The following COG6 variants were observed in gnomAD, a reference collection of about 807,000 sequenced individuals.
COG6 encodes component of oligomeric golgi complex 6, also known as conserved oligomeric Golgi complex subunit 6.
In COG6, 74 loss-of-function variants were observed where a neutral mutation model predicts 88.8. That is an observed-to-expected ratio of 0.83 (90% CI 0.69 to 1.01). The LOEUF is 1.01. Ranked by LOEUF, COG6 falls within the 50% of genes least tolerant of loss-of-function variation. The pLI, the probability that COG6 is intolerant of heterozygous loss-of-function variation, is 0.00. For missense variants in COG6, 800 were observed against 797.9 expected (o/e 1.00, Z -0.03); for synonymous variants, 286 against 278.7 (o/e 1.03, Z -0.26).
Position 39,662,174 on chromosome 13 carries a change from G to T in COG6, c.369+1293G>T, listed in dbSNP as rs1593405353. On this transcript the variant is annotated intron_variant, in intron 3 of 18. Coordinates refer to ENST00000455146, the MANE Select transcript of COG6 (RefSeq NM_020751.3). ...TTTTTTTTTTTTGAGACAGAGTCTC[G>T]CTGTATCCTTAGTGGCGTGATCTCG... Among the ~76,000 whole-genome samples the T allele has an allele frequency of 2.4e-5, 3 of 122,658 alleles. No individual in the cohort carries two copies. In the South Asian group the frequency reaches 7.4e-4, roughly 30 times the overall value. The allele number at this position is 122,658 out of a possible 152,430, so 80.5% of individuals were successfully genotyped here. A position where few individuals can be genotyped will look rare whatever the true frequency, so the allele number is the denominator to read the frequency against.
At position 39,685,363 on chromosome 13, in the gene COG6, A is replaced by G. The variant is rs570774609; in HGVS notation, c.789-2140A>G. On this transcript the variant is annotated intron_variant, in intron 8 of 18. Transcript: ENST00000455146. ...AAGATATTGAAGGTTCACGTGGCTT[A>G]TGCTGTTTTTGCTTTAAATTATATT... Among the ~76,000 whole-genome samples the G allele has an allele frequency of 5.9e-5, 9 of 152,250 alleles. No individual in the cohort carries two copies. The South Asian group carries it at 1.9e-3, about 32-fold the overall frequency.
chr13:39,666,203 C>T (rs1219180224), intron 4 of COG6, among the ~76,000 whole-genome samples: 1 of 152,100 alleles, frequency 6.6e-6, no homozygotes, highest in African/African-American at 2.4e-5. Flanking sequence ...TCGATCATAG[C>T]TAGCCTTAAA....
At chr13:39,786,617 A>C (rs4303351) in intron 18 of COG6, among the ~76,000 whole-genome samples, 116,966 of 152,106 alleles carry the variant, frequency 0.77, 45,024 homozygotes, top group South Asian at 0.86. Context: ...AACTTTACAA[A>C]GGTGGCATTT....
chr13:39,712,377 A>G (rs1429363684), intron 13 of COG6, among the ~76,000 whole-genome samples: 1 of 151,382 alleles, frequency 6.6e-6, no homozygotes, highest in Non-Finnish European at 1.5e-5. Flanking sequence ...TCTGTTGTCC[A>G]GAGGCTTATT....
chr13:39,701,394 A>G (rs1877569212), intron 13 of COG6, among the ~76,000 whole-genome samples: 2 of 151,920 alleles, frequency 1.3e-5, no homozygotes, highest in Admixed American at 6.6e-5. Flanking sequence ...AGAGAGTTTT[A>G]CATATAAGAG....
chr13:39,704,386 A>G (rs933599234), intron 13 of COG6, among the ~76,000 whole-genome samples: 4 of 152,156 alleles, frequency 2.6e-5, no homozygotes, highest in Non-Finnish European at 4.4e-5. Context: ...TTTTTGTTGT[A>G]TGTATTATAC....
chr13:39,745,088 T>A (rs3000483), intron 18 of COG6, among the ~76,000 whole-genome samples: 102,445 of 152,058 alleles, frequency 0.67, 34,624 homozygotes, highest in Admixed American at 0.77. Context: ...ACAAAAATTA[T>A]TTCAAGATGG....
chr13:39,728,723 G>A (rs761698691), intron 18 of COG6, among the ~76,000 whole-genome samples: 9 of 151,564 alleles, frequency 5.9e-5, no homozygotes, highest in African/African-American at 1.7e-4. Flanking sequence ...AGGCTAGAGT[G>A]CAGTGATCTT....
At chr13:39,689,960 TAAG>T (rs1412624838) in intron 11 of COG6, 136 bp downstream of exon 11, 16 of 520,818 alleles carry the variant, frequency 3.1e-5, no homozygotes, top group Non-Finnish European at 5.6e-5. Flanking sequence ...TGTAGACTAA[TAAG>T]AAACATTTTA....
chr13:39,693,037 C>T (rs983749449), intron 11 of COG6, among the ~76,000 whole-genome samples: 1 of 151,862 alleles, frequency 6.6e-6, no homozygotes, highest in Admixed American at 6.6e-5. Context: ...GTTGTTTCTC[C>T]TGTGACTGTT....
chr13:39,732,462 C>T (rs752096337), intron 18 of COG6, among the ~76,000 whole-genome samples: 3 of 152,076 alleles, frequency 2.0e-5, no homozygotes, highest in Non-Finnish European at 4.4e-5. Context: ...AACATACTTA[C>T]AAATGCTAAA....
At chr13:39,679,103 C>T (rs186505129) in intron 5 of COG6, among the ~76,000 whole-genome samples, 6 of 152,076 alleles carry the variant, frequency 3.9e-5, no homozygotes, top group Admixed American at 2.0e-4. Flanking sequence ...TACTCTTGGA[C>T]GAGGGAGCAA....
At chr13:39,656,306 G>C (rs1271239168) in intron 1 of COG6, 2 of 422,134 alleles carry the variant, frequency 4.7e-6, no homozygotes, top group South Asian at 3.4e-5. Context: ...GAGACCAAGA[G>C]AGCAGTGGTA....
At chr13:39,779,556 C>T (rs969967389) in intron 18 of COG6, among the ~76,000 whole-genome samples, 8 of 152,178 alleles carry the variant, frequency 5.3e-5, no homozygotes, top group Non-Finnish European at 2.9e-5. Flanking sequence ...TATGTGACTT[C>T]TCAGGTTCAA....
chr13:39,723,496 C>A, intron 16 of COG6, 56 bp downstream of exon 16: 1 of 985,256 alleles, frequency 1.0e-6, no homozygotes, highest in Non-Finnish European at 1.6e-6. Flanking sequence ...TAGAGTATGT[C>A]TTCTAGAGCT....
At chr13:39,690,231 G>A (rs1472126101) in intron 11 of COG6, among the ~76,000 whole-genome samples, 1 of 151,948 alleles carries the variant, frequency 6.6e-6, no homozygotes, top group Non-Finnish European at 1.5e-5. Context: ...TTAATCCAAG[G>A]ATAAAATAAT....
At chr13:39,735,525 A>G (rs1879692224) in intron 18 of COG6, among the ~76,000 whole-genome samples, 1 of 152,144 alleles carries the variant, frequency 6.6e-6, no homozygotes, top group Non-Finnish European at 1.5e-5. Context: ...TACTCAAGAT[A>G]TGAGTAGTTT....
intron 18 of COG6, among the ~76,000 whole-genome samples, chr13:39,772,244 C>T (rs1881338415): frequency 6.6e-6 from 1 of 152,184 alleles, no homozygotes; most frequent in Admixed American, 6.5e-5. Flanking sequence ...TCAAACTTTT[C>T]CTGATTTCCT....
chr13:39,778,682 T>G (rs1881541809), intron 18 of COG6, among the ~76,000 whole-genome samples: 1 of 152,218 alleles, frequency 6.6e-6, no homozygotes, highest in Non-Finnish European at 1.5e-5. Context: ...AGTCAGAGAT[T>G]CAGAAGTGGC....
Sources: allele counts gnomAD v4.1 joint callset (sites outside exome capture counted in the v4.1 genomes callset), GRCh38; gene constraint gnomAD v4.1.1; transcripts MANE v1.5; gene names NCBI Gene and HGNC (gene_info 2026-07-23, HGNC 2026-07-21).